Variants in GTF2E1 observed in about 807,000 individuals in gnomAD.
The protein encoded by GTF2E1 is TFIIE alpha subunit.
GTF2E1 carries 14 observed loss-of-function variants against 34.9 expected under a neutral mutation model. That is an observed-to-expected ratio of 0.40 (90% confidence interval 0.27 to 0.63). The LOEUF (loss-of-function observed/expected upper bound fraction) is 0.63, where lower values mean the gene tolerates loss of function less well. Among genes scored for constraint, GTF2E1 ranks in the 20% least tolerant of loss-of-function variants. The pLI, the probability that GTF2E1 is intolerant of heterozygous loss-of-function variation, is 0.39. For missense variants in GTF2E1, 469 were observed against 557.7 expected (o/e 0.84, Z 1.60); for synonymous variants, 188 against 192.9 (o/e 0.97, Z 0.21).
chr3:120,774,963 A>G (rs531819696), intron 3 of GTF2E1, among the ~76,000 whole-genome samples: 48 of 152,278 alleles, frequency 3.2e-4, no homozygotes, highest in African/African-American at 1.1e-3. Flanking sequence ...GCATGGCCCT[A>G]TAGATATCCA....
In GTF2E1 at chr3:120,750,671, A is replaced by G. The variant is rs763096529; in HGVS notation, c.119A>G (p.Asn40Ser). The change falls in exon 2 of 5, where the codon AAC (asparagine) becomes AGC (serine). Residue 40 changes from asparagine (N) to serine (S), a missense_variant. Asn to Ser is a conservative substitution (Grantham distance 46, BLOSUM62 1). Transcript: ENST00000283875. Reference sequence around the variant, plus strand: ...TTGGCCTTGGACATCTTGATCAGGAACTCCTGTGTGAAAGAGGAGGATATG... The same window carrying G: ...TTGGCCTTGGACATCTTGATCAGGAGCTCCTGTGTGAAAGAGGAGGATATG... ...HALALDILIR[N>S]SCVKEEDMLE... The G allele has an allele frequency of 4.3e-6, 7 of 1,613,794 alleles. No homozygotes were observed. The highest frequency in any genetic ancestry group is 1.1e-5 in the South Asian group (1 of 91,072).
At position 120,781,531 on chromosome 3, in the gene GTF2E1, T is replaced by G; in HGVS notation, c.*61T>G. On this transcript the variant is annotated 3_prime_UTR_variant, in exon 5 of 5. Coordinates refer to ENST00000283875, the MANE Select transcript of GTF2E1 (RefSeq NM_005513.3). ...AGTTCAAAAAGGAATGTCTCATCTTTGAAGAAAAGTATTTAAGTGGCTTTC... is the reference window on the plus strand; with the variant it reads ...AGTTCAAAAAGGAATGTCTCATCTTGGAAGAAAAGTATTTAAGTGGCTTTC... 1 of 1,325,548 alleles carries G rather than the reference T, an allele frequency of 7.5e-7. No individual in the cohort carries two copies. The highest frequency in any genetic ancestry group is 2.3e-5 in the East Asian group (1 of 42,772). 82.1% of individuals were successfully genotyped at this position (1,325,548 alleles called of 1,614,324 possible).
chr3:120,769,357 GCAAGGGAAGCCACATAC>G (rs1365980942), intron 2 of GTF2E1, among the ~76,000 whole-genome samples: 1 of 152,160 alleles, frequency 6.6e-6, no homozygotes, highest in East Asian at 1.9e-4. Flanking sequence ...GCTTTCTGCA[GCAAGGGAAGCCACATAC>G]CATGGGGAAA....
chr3:120,743,220 G>A (rs948966451), intron 1 of GTF2E1, among the ~76,000 whole-genome samples: 2 of 152,224 alleles, frequency 1.3e-5, no homozygotes, highest in African/African-American at 2.4e-5. Context: ...TCTAGAACTG[G>A]AGTGGCGATT....
chr3:120,773,739 A>G (rs1709375438), intron 3 of GTF2E1, among the ~76,000 whole-genome samples: 1 of 152,166 alleles, frequency 6.6e-6, no homozygotes, highest in African/African-American at 2.4e-5. Context: ...TTTATTAAAT[A>G]ATATAAAAAG....
Position 120,750,515 on chromosome 3 carries a change from G to T in GTF2E1, c.-30-8G>T, listed in dbSNP as rs571206282. The T allele has an allele frequency of 3.3e-4, 484 of 1,471,444 alleles. 8 individuals carry two copies. The South Asian group carries it at 5.4e-3, about 16-fold the overall frequency. The allele number at this position is 1,471,444 out of a possible 1,614,324, so 91.1% of individuals were successfully genotyped here. A position where few individuals can be genotyped will look rare whatever the true frequency, so the allele number is the denominator to read the frequency against. ...CCTGGCTAATTTTCTGTTTTTTTTTGAATTCAGTATATTTAAAGTTGGAGT... is the reference window on the plus strand; with the variant it reads ...CCTGGCTAATTTTCTGTTTTTTTTTTAATTCAGTATATTTAAAGTTGGAGT... On this transcript the variant is annotated splice_region_variant and splice_polypyrimidine_tract_variant and intron_variant, in intron 1 of 4. Transcript: ENST00000283875.
At chr3:120,754,507 A>G (rs1182531403) in intron 2 of GTF2E1, among the ~76,000 whole-genome samples, 6 of 151,876 alleles carry the variant, frequency 4.0e-5, no homozygotes, top group African/African-American at 1.2e-4. Flanking sequence ...GGGGGTATCT[A>G]TTTTTTGCTG....
rs565266690 is a variant in GTF2E1, at chr3:120,781,092, G to A, written c.942G>A (p.Gly314=). 1.1e-5 allele frequency: 17 copies of A among 1,613,930 alleles called. No individual in the cohort carries two copies. In the South Asian group the frequency reaches 1.8e-4, roughly 17 times the overall value. Residue 314 remains glycine, a synonymous_variant, in exon 5 of 5, where the codon GGG becomes GGA. Coordinates refer to ENST00000283875, the MANE Select transcript of GTF2E1 (RefSeq NM_005513.3). ...AGGAGCGTGAGGAAGGCCATGCTGG[G>A]CCTGATGACAACGAAGAGGTCATGC... ...AFQEREEGHA[G]PDDNEEVMRA...
chr3:120,772,100 T>C (rs1001640766), intron 3 of GTF2E1, among the ~76,000 whole-genome samples: 2 of 152,170 alleles, frequency 1.3e-5, no homozygotes, highest in African/African-American at 4.8e-5. Flanking sequence ...CATGTATTTC[T>C]AGGTATCACG....
chr3:120,742,780 C>G lies in GTF2E1; in HGVS notation c.-45C>G. ...TGGGGGCAGCTGTAGTGGGAGTGTT[C>G]CAGGATTCGCCTTGGTAAACCTTGT... On this transcript the variant is annotated 5_prime_UTR_variant, in exon 1 of 5. Transcript: ENST00000283875. The G allele has an allele frequency of 2.0e-6, 1 of 507,250 alleles. No homozygotes were observed. 31.4% of individuals were successfully genotyped at this position (507,250 alleles called of 1,614,324 possible).
intron 2 of GTF2E1, among the ~76,000 whole-genome samples, chr3:120,768,884 C>G (rs1709329825): frequency 6.6e-6 from 1 of 152,200 alleles, no homozygotes; most frequent in African/African-American, 2.4e-5. Flanking sequence ...GTTTTCAACT[C>G]TTGTTGGCCT....
At chr3:120,767,403 A>G (rs1002995162) in intron 2 of GTF2E1, among the ~76,000 whole-genome samples, 2 of 152,198 alleles carry the variant, frequency 1.3e-5, no homozygotes, top group Non-Finnish European at 2.9e-5. Context: ...GTAAGTAAGG[A>G]TAATGCCACC....
At chr3:120,769,604 A>C (rs774712415) in intron 2 of GTF2E1, among the ~76,000 whole-genome samples, 1 of 152,172 alleles carries the variant, frequency 6.6e-6, no homozygotes, top group Non-Finnish European at 1.5e-5. Context: ...AGCAGCAGTC[A>C]CTTGTGCAAG....
chr3:120,763,176 A>G lies in GTF2E1; in HGVS notation c.449-7552A>G, dbSNP rs1036029230. Among the ~76,000 whole-genome samples, 11 of 152,186 alleles carry G rather than the reference A, an allele frequency of 7.2e-5. No individual in the cohort carries two copies. In the South Asian group the frequency reaches 1.0e-3, roughly 14 times the overall value. ...GTATTTGAGATGAGTTTGATTCTGC[A>G]TGCTGAGATGAATTTGATTTGGGCC... On this transcript the variant is annotated intron_variant, in intron 2 of 4. Transcript: ENST00000283875.
chr3:120,755,132 G>A (rs188052905), intron 2 of GTF2E1, among the ~76,000 whole-genome samples: 12 of 152,206 alleles, frequency 7.9e-5, no homozygotes, highest in Middle Eastern at 3.4e-3. Context: ...TAAATAACTC[G>A]TAAAAATAGC....
At chr3:120,756,192 C>G (rs1335398433) in intron 2 of GTF2E1, among the ~76,000 whole-genome samples, 2 of 152,166 alleles carry the variant, frequency 1.3e-5, no homozygotes, top group Non-Finnish European at 2.9e-5. Context: ...CCAAACTGTT[C>G]TCCATGGTGA....
chr3:120,751,717 C>G (rs1464325636), intron 2 of GTF2E1, among the ~76,000 whole-genome samples: 2 of 152,098 alleles, frequency 1.3e-5, no homozygotes, highest in Non-Finnish European at 2.9e-5. Flanking sequence ...ATCTTGTTAT[C>G]TGTTTACACA....
chr3:120,781,539 A>G lies in GTF2E1; in HGVS notation c.*69A>G. Reference sequence around the variant, plus strand: ...AAGGAATGTCTCATCTTTGAAGAAAAGTATTTAAGTGGCTTTCTGCCCCTC... The same window carrying G: ...AAGGAATGTCTCATCTTTGAAGAAAGGTATTTAAGTGGCTTTCTGCCCCTC... On this transcript the variant is annotated 3_prime_UTR_variant, in exon 5 of 5. Transcript: ENST00000283875. The G allele has an allele frequency of 8.2e-7, 1 of 1,220,320 alleles. No homozygotes were observed. The highest frequency in any genetic ancestry group is 1.2e-6 in the Non-Finnish European group (1 of 850,592). The allele number at this position is 1,220,320 out of a possible 1,614,324, so 75.6% of individuals were successfully genotyped here.
At chr3:120,772,486 C>A (rs1405414385) in intron 3 of GTF2E1, among the ~76,000 whole-genome samples, 1 of 152,078 alleles carries the variant, frequency 6.6e-6, no homozygotes, top group Non-Finnish European at 1.5e-5. Context: ...TTATTTATTT[C>A]TTTTTGTGTA....
Sources: gnomAD v4.1 joint callset for allele counts (sites outside exome capture counted in the v4.1 genomes callset) on GRCh38, gnomAD v4.1.1 for gene constraint, MANE v1.5 for transcripts, NCBI Gene and HGNC (gene_info 2026-07-23, HGNC 2026-07-21) for gene names.